The following PCDHGA4 variants were observed in gnomAD, a reference collection of about 807,000 sequenced individuals.
PCDHGA4 encodes protocadherin gamma subfamily A, 4.
In PCDHGA4, 38 loss-of-function variants were observed where a neutral mutation model predicts 54.6. That is an observed-to-expected ratio of 0.70 (90% CI 0.54 to 0.91). PCDHGA4 has a LOEUF of 0.91. PCDHGA4 is among the 40% of genes least tolerant of loss of function. The pLI is 0.00. For missense variants in PCDHGA4, 1,298 were observed against 1,220.9 expected, an observed-to-expected ratio of 1.06 and a Z score of -0.94; for synonymous variants, 511 against 512.9, an observed-to-expected ratio of 1.00 and a Z score of 0.05.
At chr5:141,410,706 G>A in intron 1 of PCDHGA4, 1 of 1,454,410 alleles carries the variant, frequency 6.9e-7, no homozygotes, top group Non-Finnish European at 9.2e-7. Flanking sequence ...TTCATATCTA[G>A]AATCATATGT....
At chr5:141,410,047 A>G in intron 1 of PCDHGA4, 1 of 1,612,420 alleles carries the variant, frequency 6.2e-7, no homozygotes. Flanking sequence ...GTGAGCCCGG[A>G]CTCTTCAGCC....
chr5:141,510,420 G>A (rs1275392355), intron 3 of PCDHGA4, among the ~76,000 whole-genome samples: 2 of 152,126 alleles, frequency 1.3e-5, no homozygotes, highest in Non-Finnish European at 2.9e-5. Flanking sequence ...TAAAGCCATG[G>A]TTTCATGGCT....
At chr5:141,358,695 A>G (rs956417797) in intron 1 of PCDHGA4, among the ~76,000 whole-genome samples, 2 of 152,206 alleles carry the variant, frequency 1.3e-5, no homozygotes, top group African/African-American at 2.4e-5. Context: ...TGACATCACT[A>G]TTGAGACTTT....
At chr5:141,381,244 C>T (rs554184818) in intron 1 of PCDHGA4, among the ~76,000 whole-genome samples, 2 of 152,360 alleles carry the variant, frequency 1.3e-5, no homozygotes, top group African/African-American at 4.8e-5. Flanking sequence ...TCTCCAGGAC[C>T]TAGAAGAATT....
At chr5:141,409,276 G>A (rs1458443407) in intron 1 of PCDHGA4, 5 of 1,613,882 alleles carry the variant, frequency 3.1e-6, no homozygotes, top group African/African-American at 2.7e-5. Context: ...AGATTTTGGA[G>A]AATTCACCTC....
chr5:141,374,949 C>T (rs1770969144), intron 1 of PCDHGA4: 1 of 1,614,022 alleles, frequency 6.2e-7, no homozygotes, highest in African/African-American at 1.3e-5. Context: ...GAAAAGATCT[C>T]ACAAATTTTC....
intron 1 of PCDHGA4, chr5:141,360,108 T>C (rs376839446): frequency 6.4e-7 from 1 of 1,555,128 alleles, no homozygotes; most frequent in Non-Finnish European, 8.7e-7. Flanking sequence ...ATTCCTCCTA[T>C]GGGCAAAGGA....
chr5:141,440,373 G>A (rs866892003), intron 1 of PCDHGA4: 2 of 152,214 alleles, frequency 1.3e-5, no homozygotes, highest in Non-Finnish European at 2.9e-5. Context: ...GGCCGAGGCA[G>A]GAGAATCGCT....
intron 1 of PCDHGA4, among the ~76,000 whole-genome samples, chr5:141,449,840 T>C (rs1367482819): frequency 6.6e-6 from 1 of 151,692 alleles, no homozygotes; most frequent in Non-Finnish European, 1.5e-5. Context: ...TTTTATATAA[T>C]TAAATTTTAA....
Position 141,415,739 on chromosome 5 carries a change from GGTTTT to G in PCDHGA4, c.2514+58119_2514+58123del, listed in dbSNP as rs2095909931. ...ATGAGTAGAATTTGATGTTTATTAA[GGTTTT>G]TTTTTTTTTTTTTTTTTTTTTTTTT... On this transcript the variant is annotated intron_variant, in intron 1 of 3. Transcript: ENST00000571252. 124 of 435,052 alleles carry G rather than the reference GGTTTT, an allele frequency of 2.9e-4. No homozygotes were observed. The African/African-American group carries it at 3.6e-3, about 13-fold the overall frequency. 26.9% of individuals were successfully genotyped at this position (435,052 alleles called of 1,614,324 possible).
chr5:141,385,442 G>T, intron 1 of PCDHGA4: 1 of 1,450,070 alleles, frequency 6.9e-7, no homozygotes, highest in Non-Finnish European at 9.1e-7. Context: ...AGGTAAAAAT[G>T]AGTTTACCAG....
In PCDHGA4 at chr5:141,485,961, A is replaced by C. The variant is rs766687554; in HGVS notation, c.2515-8846A>C. ...GCACCAGCGGGCATGGTGCTCATCC[A>C]GCTCAATGCCTCAGACCCGGACCTG... On this transcript the variant is annotated intron_variant, in intron 1 of 3. Coordinates refer to ENST00000571252, the MANE Select transcript of PCDHGA4 (RefSeq NM_018917.4). The surrounding 1 kb of genome is among the most constrained non-coding windows in gnomAD (Gnocchi z 5.7). 6.2e-7 allele frequency: 1 copy of C among 1,614,204 alleles called. No homozygotes were observed. The highest frequency in any genetic ancestry group is 1.1e-5 in the South Asian group (1 of 91,090).
chr5:141,433,079 A>C, intron 1 of PCDHGA4: 1 of 1,614,208 alleles, frequency 6.2e-7, no homozygotes, highest in South Asian at 1.1e-5. Flanking sequence ...CCCCCAGCCC[A>C]ACTATGCAGA....
At chr5:141,372,366 G>T in intron 1 of PCDHGA4, 2 of 1,613,950 alleles carry the variant, frequency 1.2e-6, no homozygotes, top group East Asian at 4.5e-5. Context: ...TTCAGCCACC[G>T]TCATGCTGCA....
chr5:141,450,678 G>C (rs1038323301), intron 1 of PCDHGA4, among the ~76,000 whole-genome samples: 1 of 151,854 alleles, frequency 6.6e-6, no homozygotes, highest in Non-Finnish European at 1.5e-5. Context: ...GTAGAAACGG[G>C]GTTTTGCCAT....
chr5:141,355,488 C>T lies in PCDHGA4; in HGVS notation c.381C>T (p.Cys127=). 6.2e-7 allele frequency: 1 copy of T among 1,614,004 alleles called. No homozygotes were observed. Among genetic ancestry groups the T allele is most frequent in the South Asian group, 1.1e-5 (1 of 91,090 alleles). ...TAGRIDREEL[C]DRSPNCVTNL... is the part of the protein sequence containing the mutation. ...GTAGGATAGACAGGGAGGAGCTCTG[C>T]GACAGATCTCCAAACTGTGTGACAA... Residue 127 remains cysteine, a synonymous_variant, in exon 1 of 4, where the codon TGC becomes TGT. Transcript: ENST00000571252.
rs2099687792 is a variant in PCDHGA4, at chr5:141,489,485, G to GT, written c.2515-5321dup. Reference sequence around the variant, plus strand: ...TATTTTTCCCTGAGCTTGATGAGTGGTGCCCTGGCAGTGAATCAAAAGATT... The same window carrying GT: ...TATTTTTCCCTGAGCTTGATGAGTGGTTGCCCTGGCAGTGAATCAAAAGATT... On this transcript the variant is annotated intron_variant, in intron 1 of 3. Coordinates refer to ENST00000571252, the MANE Select transcript of PCDHGA4 (RefSeq NM_018917.4). This position sits in a 1 kb window ranked among gnomAD's most constrained non-coding sequence, Gnocchi z 4.5. The GT allele has an allele frequency of 6.2e-7, 1 of 1,614,088 alleles. No individual in the cohort carries two copies. The highest frequency in any genetic ancestry group is 2.2e-5 in the East Asian group (1 of 44,868).
chr5:141,410,358 T>C, intron 1 of PCDHGA4: 2 of 1,614,070 alleles, frequency 1.2e-6, no homozygotes, highest in Non-Finnish European at 8.5e-7. Flanking sequence ...CGACGCTCTC[T>C]CAGCCCTGCT....
Position 141,485,987 on chromosome 5 carries a change from G to T in PCDHGA4, c.2515-8820G>T. 1 of 1,614,170 alleles carries T rather than the reference G, an allele frequency of 6.2e-7. No homozygotes were observed. On this transcript the variant is annotated intron_variant, in intron 1 of 3. Transcript: ENST00000571252. The surrounding 1 kb of genome is among the most constrained non-coding windows in gnomAD (Gnocchi z 5.7). ...GCTCAATGCCTCAGACCCGGACCTG[G>T]GTCCCAGTGGTAACGTCACCTTTTA...
Sources: gnomAD v4.1 joint callset for allele counts (sites outside exome capture counted in the v4.1 genomes callset) on GRCh38, gnomAD v4.1.1 for gene constraint, Gnocchi (gnomAD v3.1) non-coding constraint, MANE v1.5 for transcripts, NCBI Gene and HGNC (gene_info 2026-07-23, HGNC 2026-07-21) for gene names.